The following COLEC11 variants were observed in gnomAD, a reference collection of about 807,000 sequenced individuals.
The protein encoded by COLEC11 is collectin-11.
COLEC11 carries 20 observed loss-of-function variants against 27.3 expected under a neutral mutation model. That is an observed-to-expected ratio of 0.73 (90% CI 0.51 to 1.06). The LOEUF (loss-of-function observed/expected upper bound fraction) is 1.06. Ranked by LOEUF, COLEC11 falls within the 50% of genes least tolerant of loss-of-function variation. The pLI is 0.00. For synonymous variants in COLEC11, 163 were observed against 154.7 expected, an observed-to-expected ratio of 1.05 and a Z score of -0.40; for missense variants, 310 against 383.0, an observed-to-expected ratio of 0.81 and a Z score of 1.59.
At chr2:3,623,332 C>G (rs1195486568) in intron 3 of COLEC11, among the ~76,000 whole-genome samples, 1 of 152,152 alleles carries the variant, frequency 6.6e-6, no homozygotes, top group Non-Finnish European at 1.5e-5. Context: ...CCACATCACT[C>G]CCAAGTTTGG....
chr2:3,607,449 C>CTT (rs377560723), intron 2 of COLEC11, among the ~76,000 whole-genome samples: 8 of 109,170 alleles, frequency 7.3e-5, no homozygotes, highest in Non-Finnish European at 8.9e-5. Flanking sequence ...TTTTTTTTTG[C>CTT]TTTTTTTTTT....
chr2:3,608,630 C>T (rs1262799812), intron 2 of COLEC11, among the ~76,000 whole-genome samples: 3 of 152,140 alleles, frequency 2.0e-5, no homozygotes, highest in Non-Finnish European at 4.4e-5. Context: ...TGAGTCTACC[C>T]AGGGCAACAG....
At chr2:3,640,463 A>T (rs1572477163) in intron 5 of COLEC11, 132 bp downstream of exon 5, 1 of 660,848 alleles carries the variant, frequency 1.5e-6, no homozygotes, top group Admixed American at 2.1e-5. Flanking sequence ...GTGGACACCC[A>T]CCCCCGTCAC....
chr2:3,605,649 C>T (rs985743737), intron 2 of COLEC11: 3 of 196,868 alleles, frequency 1.5e-5, no homozygotes, highest in South Asian at 8.0e-5. Flanking sequence ...TCCGGTCCGC[C>T]CCCTCCTCAT....
chr2:3,603,717 C>T, intron 1 of COLEC11: 7 of 1,538,006 alleles, frequency 4.6e-6, no homozygotes, highest in Non-Finnish European at 6.2e-6. Context: ...ACCCCTCTTC[C>T]TATGGGCTCG....
intron 3 of COLEC11, among the ~76,000 whole-genome samples, chr2:3,620,814 G>C (rs1664130079): frequency 7.1e-6 from 1 of 141,086 alleles, no homozygotes; most frequent in African/African-American, 3.2e-5. Context: ...GGAATGTGTT[G>C]TTTAATTTTC....
At chr2:3,642,710 T>A (rs1051111640) in intron 5 of COLEC11, among the ~76,000 whole-genome samples, 9 of 152,180 alleles carry the variant, frequency 5.9e-5, no homozygotes, top group Non-Finnish European at 1.2e-4. Context: ...CCTTGATCGC[T>A]AGGTGGTGGG....
intron 4 of COLEC11, among the ~76,000 whole-genome samples, chr2:3,637,882 ACTCTGGCTGTGTAGC>A (rs748900891): frequency 6.6e-6 from 1 of 151,964 alleles, no homozygotes; most frequent in Non-Finnish European, 1.5e-5. Context: ...CTTGGGCAAG[ACTCTGGCTGTGTAGC>A]CACAATGTCC....
At chr2:3,603,820 C>T in intron 1 of COLEC11, 1 of 686,218 alleles carries the variant, frequency 1.5e-6, no homozygotes, top group Non-Finnish European at 2.5e-6. Flanking sequence ...TGTCTCCTGC[C>T]ACCTAAGGAG....
intron 2 of COLEC11, chr2:3,605,763 C>T (rs182588573): frequency 4.6e-4 from 113 of 244,886 alleles, no homozygotes; most frequent in African/African-American, 2.5e-3. Context: ...AAAACAGTCA[C>T]CACGAAAGAC....
intron 2 of COLEC11, among the ~76,000 whole-genome samples, chr2:3,608,002 G>C (rs1291414090): frequency 6.6e-6 from 1 of 152,208 alleles, no homozygotes; most frequent in African/African-American, 2.4e-5. Context: ...GCTGGCACAC[G>C]AGTTTGTTCA....
At chr2:3,637,740 C>T in intron 4 of COLEC11, 136 bp downstream of exon 4, 1 of 788,154 alleles carries the variant, frequency 1.3e-6, no homozygotes, top group South Asian at 1.5e-5. Context: ...GATAAGAAAT[C>T]TACTGCAGTA....
intron 3 of COLEC11, among the ~76,000 whole-genome samples, chr2:3,624,795 A>G (rs1464402937): frequency 6.6e-6 from 1 of 152,158 alleles, no homozygotes; most frequent in Non-Finnish European, 1.5e-5. Context: ...TCAACATGGA[A>G]GCTTCTTTGG....
rs1281450699 is a variant in COLEC11, at chr2:3,642,546, A to G, written c.329-898A>G. 3.3e-5 allele frequency among the ~76,000 whole-genome samples: 5 copies of G among 152,224 alleles called. No individual in the cohort carries two copies. The East Asian group carries it at 9.7e-4, about 30-fold the overall frequency. Reference sequence around the variant, plus strand: ...ATCAGCTCCCTTTCACCACCGTTTCAATATATGCAAGCAATTCTTGTCTTA... The same window carrying G: ...ATCAGCTCCCTTTCACCACCGTTTCGATATATGCAAGCAATTCTTGTCTTA... On this transcript the variant is annotated intron_variant, in intron 5 of 6. Coordinates refer to ENST00000349077, the MANE Select transcript of COLEC11 (RefSeq NM_024027.5).
intron 1 of COLEC11, among the ~76,000 whole-genome samples, chr2:3,600,159 C>T (rs1662115425): frequency 2.7e-5 from 4 of 148,304 alleles, no homozygotes; most frequent in Non-Finnish European, 5.9e-5. Context: ...GGCGTGAACC[C>T]GGGAGGCAGA....
chr2:3,612,254 G>T (rs1014557142), intron 2 of COLEC11, among the ~76,000 whole-genome samples: 1 of 150,992 alleles, frequency 6.6e-6, no homozygotes, highest in African/African-American at 2.5e-5. Flanking sequence ...CCACGCACAC[G>T]CATGCACACA....
chr2:3,644,459 T>G lies in COLEC11; in HGVS notation c.*341T>G. On this transcript the variant is annotated 3_prime_UTR_variant, in exon 7 of 7. Transcript: ENST00000349077. ...AAGTAGTGCAGTAGTTAAGTCCAAA[T>G]AGTGGCAATGGGGTCTTGAATTACT... The G allele has an allele frequency of 1.9e-6, 1 of 513,830 alleles. No homozygotes were observed. The highest frequency in any genetic ancestry group is 3.7e-6 in the Non-Finnish European group (1 of 266,954). The allele number at this position is 513,830 out of a possible 1,614,324, so 31.8% of individuals were successfully genotyped here. A position where few individuals can be genotyped will look rare whatever the true frequency, so the allele number is the denominator to read the frequency against.
chr2:3,621,724 T>C (rs1487400867), intron 3 of COLEC11, among the ~76,000 whole-genome samples: 1 of 152,348 alleles, frequency 6.6e-6, no homozygotes, highest in East Asian at 1.9e-4. Context: ...TTATTTGTGG[T>C]TACCACAAGG....
rs114884731 is a variant in COLEC11 at position 3,620,089 on chromosome 2, A to G, written c.202+6707A>G. Among the ~76,000 whole-genome samples the G allele has an allele frequency of 2.4e-3, 361 of 152,270 alleles. 2 individuals carry two copies. The highest frequency in any genetic ancestry group is 4.3e-3 in the Non-Finnish European group (292 of 68,030). ...AATGCTGGCTTTTAAAAATTAGTTC[A>G]GAAGTATTCTCTCCTCTTCAATTTT... On this transcript the variant is annotated intron_variant, in intron 3 of 6. Transcript: ENST00000349077.
Sources: allele counts gnomAD v4.1 joint callset (sites outside exome capture counted in the v4.1 genomes callset), GRCh38; gene constraint gnomAD v4.1.1; transcripts MANE v1.5; gene names NCBI Gene and HGNC (gene_info 2026-07-23, HGNC 2026-07-21).